The following MACROD2 variants were observed in gnomAD, a reference collection of about 807,000 sequenced individuals.
MACROD2 encodes the protein mono-ADP ribosylhydrolase 2.
Under a neutral mutation model 70.4 loss-of-function variants are expected in MACROD2, and 36 were observed. The ratio of observed to expected loss-of-function variants is 0.51; its 90% CI spans 0.39 to 0.68. The LOEUF is 0.68. Among genes scored for constraint, MACROD2 ranks in the 30% least tolerant of loss-of-function variants. The pLI, the probability that MACROD2 is intolerant of heterozygous loss-of-function variation, is 0.00. For missense variants in MACROD2, 496 were observed against 538.4 expected, an observed-to-expected ratio of 0.92 and a Z score of 0.78; for synonymous variants, 172 against 178.8, an observed-to-expected ratio of 0.96 and a Z score of 0.30.
intron 3 of MACROD2, among the ~76,000 whole-genome samples, chr20:14,452,900 T>C (rs1290980434): frequency 6.6e-6 from 1 of 152,168 alleles, no homozygotes; most frequent in Non-Finnish European, 1.5e-5. Context: ...ATGGCAGTCA[T>C]AGAGATTTTC....
intron 8 of MACROD2, among the ~76,000 whole-genome samples, chr20:15,848,108 T>C (rs1395984081): frequency 6.6e-6 from 1 of 152,244 alleles, no homozygotes; most frequent in African/African-American, 2.4e-5. Context: ...ATAAAGCTTA[T>C]AACACTGAAT....
At chr20:14,165,227 T>C (rs961305803) in intron 3 of MACROD2, among the ~76,000 whole-genome samples, 1 of 152,172 alleles carries the variant, frequency 6.6e-6, no homozygotes, top group Non-Finnish European at 1.5e-5. Flanking sequence ...CAGGCAGCTC[T>C]CTATGTTGGT....
chr20:14,606,166 C>A lies in MACROD2; in HGVS notation c.302-78677C>A, dbSNP rs578068678. Among the ~76,000 whole-genome samples the A allele has an allele frequency of 4.3e-4, 66 of 152,248 alleles. 1 individual carries two copies. In the South Asian group the frequency reaches 0.013, roughly 30 times the overall value. On this transcript the variant is annotated intron_variant, in intron 4 of 17. Coordinates refer to ENST00000684519, the MANE Select transcript of MACROD2 (RefSeq NM_001351661.2). Reference sequence around the variant, plus strand: ...AAAAAATGAATTTAACTGTCATTATCTTTTCTATATCCATTTAATATTCAT... The same window carrying A: ...AAAAAATGAATTTAACTGTCATTATATTTTCTATATCCATTTAATATTCAT...
At position 15,018,798 on chromosome 20, in the gene MACROD2, G is replaced by A. The variant is rs903299353; in HGVS notation, c.419-211142G>A. On this transcript the variant is annotated intron_variant, in intron 5 of 17. Transcript: ENST00000684519. ...CTGACTCAAATGTTCATCTCTTTTG[G>A]CAACACCCACACAGACACACCCAGG... Among the ~76,000 whole-genome samples the A allele has an allele frequency of 2.6e-4, 40 of 152,036 alleles. 1 individual carries two copies. The highest frequency in any genetic ancestry group is 9.7e-4 in the African/African-American group (40 of 41,384).
intron 3 of MACROD2, among the ~76,000 whole-genome samples, chr20:14,453,571 G>A (rs937003735): frequency 6.6e-6 from 1 of 152,098 alleles, no homozygotes; most frequent in African/African-American, 2.4e-5. Flanking sequence ...CTTTAAGTAC[G>A]TGGGATTCAT....
chr20:14,728,992 G>C (rs930531542), intron 5 of MACROD2, among the ~76,000 whole-genome samples: 2 of 152,012 alleles, frequency 1.3e-5, no homozygotes, highest in African/African-American at 4.8e-5. Flanking sequence ...ATATGCCTGT[G>C]TTTACATCTT....
At chr20:14,602,272 G>A (rs944953067) in intron 4 of MACROD2, among the ~76,000 whole-genome samples, 1 of 152,178 alleles carries the variant, frequency 6.6e-6, no homozygotes, top group Admixed American at 6.5e-5. Flanking sequence ...CCTGGTGGCT[G>A]CACCCTATCC....
intron 8 of MACROD2, among the ~76,000 whole-genome samples, chr20:15,503,886 G>A (rs1304171362): frequency 6.6e-6 from 1 of 152,150 alleles, no homozygotes; most frequent in East Asian, 1.9e-4. Flanking sequence ...TATGTAATGT[G>A]AGTCTCCCAT....
At chr20:15,867,066 C>T (rs1446346838) in intron 9 of MACROD2, among the ~76,000 whole-genome samples, 1 of 152,200 alleles carries the variant, frequency 6.6e-6, no homozygotes, top group Non-Finnish European at 1.5e-5. Flanking sequence ...TCAGAGGCCT[C>T]GCTCCTTGGC....
At chr20:15,970,803 A>G (rs1281336368) in intron 13 of MACROD2, among the ~76,000 whole-genome samples, 3 of 152,196 alleles carry the variant, frequency 2.0e-5, no homozygotes, top group Non-Finnish European at 4.4e-5. Context: ...ACATAGGGCT[A>G]GAAGAAGTGC....
chr20:15,210,280 G>A (rs1337728638), intron 5 of MACROD2, among the ~76,000 whole-genome samples: 1 of 152,174 alleles, frequency 6.6e-6, no homozygotes. Context: ...AGTCACAGAG[G>A]ATTTGTCCAG....
intron 4 of MACROD2, among the ~76,000 whole-genome samples, chr20:14,495,312 G>A (rs1048176657): frequency 6.6e-6 from 1 of 152,076 alleles, no homozygotes; most frequent in African/African-American, 2.4e-5. Context: ...CAGGGTACAG[G>A]ATGGCTGCTG....
intron 6 of MACROD2, among the ~76,000 whole-genome samples, chr20:15,289,267 G>A (rs982509986): frequency 1.2e-4 from 19 of 152,154 alleles, no homozygotes; most frequent in Admixed American, 3.9e-4. Flanking sequence ...TATTTAAAAT[G>A]TTTAGTCCTC....
At chr20:15,806,096 T>G (rs2063766797) in intron 8 of MACROD2, among the ~76,000 whole-genome samples, 1 of 152,242 alleles carries the variant, frequency 6.6e-6, no homozygotes, top group Non-Finnish European at 1.5e-5. Flanking sequence ...GGATTTTTCT[T>G]CAGCCTTCCA....
intron 5 of MACROD2, among the ~76,000 whole-genome samples, chr20:14,829,657 G>A (rs1178013330): frequency 1.3e-5 from 2 of 151,958 alleles, no homozygotes; most frequent in Non-Finnish European, 2.9e-5. Context: ...TTTCTCTCTG[G>A]ACATATTTTA....
chr20:15,515,300 A>T (rs1489924400), intron 8 of MACROD2, among the ~76,000 whole-genome samples: 1 of 152,256 alleles, frequency 6.6e-6, no homozygotes, highest in Admixed American at 6.5e-5. Context: ...TCAAATGATT[A>T]ACAAGCCCAG....
At chr20:15,416,904 A>AAC (rs2046160157) in intron 6 of MACROD2, among the ~76,000 whole-genome samples, 1 of 138,660 alleles carries the variant, frequency 7.2e-6, no homozygotes, top group Non-Finnish European at 1.7e-5. Flanking sequence ...CTCCGTCTCA[A>AAC]AAAAAAAAAG....
At chr20:14,594,384 A>G (rs1208004944) in intron 4 of MACROD2, among the ~76,000 whole-genome samples, 1 of 152,200 alleles carries the variant, frequency 6.6e-6, no homozygotes, top group African/African-American at 2.4e-5. Flanking sequence ...TTTTTAGAAT[A>G]AAAACTAATA....
At chr20:14,067,984 T>C (rs901210199) in intron 2 of MACROD2, among the ~76,000 whole-genome samples, 1 of 152,188 alleles carries the variant, frequency 6.6e-6, no homozygotes, top group Non-Finnish European at 1.5e-5. Flanking sequence ...ATTCAAAATA[T>C]TAACATAGAG....
Sources: gnomAD v4.1 joint callset for allele counts (sites outside exome capture counted in the v4.1 genomes callset) on GRCh38, gnomAD v4.1.1 for gene constraint, MANE v1.5 for transcripts, NCBI Gene and HGNC (gene_info 2026-07-23, HGNC 2026-07-21) for gene names.